The following UTRN variants were observed in gnomAD, a reference collection of about 807,000 sequenced individuals.
UTRN encodes the protein utrophin.
In UTRN, 283 loss-of-function variants were observed where a neutral mutation model predicts 463.9. The ratio of observed to expected loss-of-function variants is 0.61; its 90% CI spans 0.55 to 0.67. The LOEUF is 0.67. Ranked by LOEUF, UTRN falls within the 30% of genes least tolerant of loss-of-function variation. The pLI is 0.00. For synonymous variants in UTRN, 1,442 were observed against 1,431.5 expected, an observed-to-expected ratio of 1.01 and a Z score of -0.17; for missense variants, 3,922 against 4,084.3, an observed-to-expected ratio of 0.96 and a Z score of 1.08.
chr6:144,757,905 A>G (rs573291081), intron 57 of UTRN, 24 bp from the exon 58 acceptor site: 15 of 1,599,494 alleles, frequency 9.4e-6, no homozygotes, highest in East Asian at 2.3e-5. Context: ...CAACGTTTCC[A>G]ATAATCTCCC....
intron 51 of UTRN, among the ~76,000 whole-genome samples, chr6:144,603,072 CT>C (rs1339361802): frequency 6.6e-6 from 1 of 151,936 alleles, no homozygotes; most frequent in Non-Finnish European, 1.5e-5. Flanking sequence ...TATAGAATTC[CT>C]TTTGTTTTTA....
intron 50 of UTRN, among the ~76,000 whole-genome samples, chr6:144,558,488 A>G (rs1297348009): frequency 6.6e-6 from 1 of 152,214 alleles, no homozygotes; most frequent in Non-Finnish European, 1.5e-5. Flanking sequence ...AATTAAAAAC[A>G]GCTTTAACCT....
chr6:144,711,336 A>C (rs2328600), intron 53 of UTRN, among the ~76,000 whole-genome samples: 77,741 of 149,724 alleles, frequency 0.52, 24,499 homozygotes, highest in East Asian at 0.88. Flanking sequence ...AACAAACAAA[A>C]AAAAAAAAGC....
chr6:144,592,093 A>G (rs976603562), intron 51 of UTRN, among the ~76,000 whole-genome samples: 111 of 152,232 alleles, frequency 7.3e-4, no homozygotes, highest in African/African-American at 2.5e-3. Flanking sequence ...CACTTTACAC[A>G]TCGTGAATGC....
intron 61 of UTRN, among the ~76,000 whole-genome samples, chr6:144,783,126 G>C (rs1775994338): frequency 6.6e-6 from 1 of 151,804 alleles, no homozygotes; most frequent in East Asian, 1.9e-4. Context: ...AACTCAGGAG[G>C]CAAAGGTTGC....
At chr6:144,515,044 G>C (rs184037571) in intron 37 of UTRN, among the ~76,000 whole-genome samples, 1 of 152,120 alleles carries the variant, frequency 6.6e-6, no homozygotes, top group East Asian at 1.9e-4. Flanking sequence ...TGGGATTTCC[G>C]GCAACTGCCA....
chr6:144,789,260 C>T lies in UTRN; in HGVS notation c.8901C>T (p.Leu2967=). Reference sequence around the variant, plus strand: ...GATTAATGTCTCTCTCCAAAGGTCTCTTGGAAGAAAAATACAGATGTATGT... The same window carrying T: ...GATTAATGTCTCTCTCCAAAGGTCTTTTGGAAGAAAAATACAGATGTATGT... The part of the protein sequence containing the change: ...KIGLMSLSKG[L]LEEKYRYLFK... Residue 2967 remains leucine (L), a synonymous_variant, in exon 62 of 75, where the codon CTC becomes CTT. Coordinates refer to ENST00000367545, the MANE Select transcript of UTRN (RefSeq NM_007124.3). 6.2e-7 allele frequency: 1 copy of T among 1,612,972 alleles called. No homozygotes were observed. Among genetic ancestry groups the T allele is most frequent in the South Asian group, 1.1e-5 (1 of 90,860 alleles).
intron 54 of UTRN, among the ~76,000 whole-genome samples, chr6:144,747,769 T>C (rs569934267): frequency 6.6e-6 from 1 of 152,194 alleles, no homozygotes; most frequent in Admixed American, 6.5e-5. Context: ...TTATTTGTCT[T>C]CAGTATTTAT....
chr6:144,455,005 G>A (rs993505956), intron 19 of UTRN, among the ~76,000 whole-genome samples: 1 of 151,770 alleles, frequency 6.6e-6, no homozygotes, highest in Non-Finnish European at 1.5e-5. Context: ...AGATTATTTT[G>A]CCTCCAGCCT....
Position 144,730,437 on chromosome 6 carries a change from G to A in UTRN, c.7890G>A (p.Gln2630=). 6.2e-7 allele frequency: 1 copy of A among 1,611,024 alleles called. No individual in the cohort carries two copies. Among genetic ancestry groups the A allele is most frequent in the Non-Finnish European group, 8.5e-7 (1 of 1,178,424 alleles). ...VDQARVFLAD[Q]PIEAPEEPRR... is the part of the protein sequence containing the mutation. The stretch of plus-strand genomic sequence containing the variant: ...AGGCCCGAGTTTTCTTGGCTGATCA[G>A]CCAATTGAGGCCCCTGAAGAGCCAA... The change falls in exon 54 of 75, where the codon CAG becomes CAA. Residue 2630 remains glutamine (Q), a synonymous_variant. Coordinates refer to ENST00000367545, the MANE Select transcript of UTRN (RefSeq NM_007124.3).
chr6:144,533,993 T>G (rs1797309621), intron 43 of UTRN, among the ~76,000 whole-genome samples: 1 of 152,152 alleles, frequency 6.6e-6, no homozygotes, highest in South Asian at 2.1e-4. Flanking sequence ...GGTTAAAAAC[T>G]CCACGATTTT....
chr6:144,569,210 A>C (rs1353901693), intron 50 of UTRN, among the ~76,000 whole-genome samples: 6 of 152,022 alleles, frequency 3.9e-5, no homozygotes, highest in Admixed American at 3.9e-4. Flanking sequence ...AATTTCAAAA[A>C]TCAGAATATA....
At chr6:144,289,920 C>G (rs1804055460) in intron 1 of UTRN, among the ~76,000 whole-genome samples, 1 of 152,154 alleles carries the variant, frequency 6.6e-6, no homozygotes, top group Non-Finnish European at 1.5e-5. Flanking sequence ...TCCCAAAGTG[C>G]TGGGATTACA....
At chr6:144,335,798 T>G (rs113759220) in intron 2 of UTRN, among the ~76,000 whole-genome samples, 1 of 152,360 alleles carries the variant, frequency 6.6e-6, no homozygotes, top group African/African-American at 2.4e-5. Context: ...ATCCTGGAAC[T>G]GTCTTTATAT....
chr6:144,461,782 G>C (rs939516651), intron 22 of UTRN, among the ~76,000 whole-genome samples: 1 of 152,158 alleles, frequency 6.6e-6, no homozygotes, highest in Non-Finnish European at 1.5e-5. Flanking sequence ...TGGGTTTGCT[G>C]TTCCCTTGGT....
At chr6:144,360,094 C>CCCTA in intron 2 of UTRN, among the ~76,000 whole-genome samples, 1 of 43,116 alleles carries the variant, frequency 2.3e-5, no homozygotes, top group Admixed American at 2.6e-4. Flanking sequence ...TCCCTTCCCT[C>CCCTA]CCCTCCCCTC....
At chr6:144,562,109 G>T (rs570883318) in intron 50 of UTRN, among the ~76,000 whole-genome samples, 1 of 152,154 alleles carries the variant, frequency 6.6e-6, no homozygotes, top group African/African-American at 2.4e-5. Context: ...AATTTACCTT[G>T]CAATTAAGCA....
At chr6:144,596,218 T>C (rs1157952919) in intron 51 of UTRN, among the ~76,000 whole-genome samples, 1 of 152,184 alleles carries the variant, frequency 6.6e-6, no homozygotes, top group African/African-American at 2.4e-5. Flanking sequence ...CTTTAAAAGC[T>C]GGAGTGATTT....
intron 50 of UTRN, among the ~76,000 whole-genome samples, chr6:144,560,938 A>G (rs1799807496): frequency 1.3e-5 from 2 of 151,708 alleles, no homozygotes; most frequent in Non-Finnish European, 2.9e-5. Flanking sequence ...TACTTCTGAA[A>G]CGCAACTGAA....
Sources: allele counts gnomAD v4.1 joint callset (sites outside exome capture counted in the v4.1 genomes callset), GRCh38; gene constraint gnomAD v4.1.1; transcripts MANE v1.5; gene names NCBI Gene and HGNC (gene_info 2026-07-23, HGNC 2026-07-21).